The following EYS variants were observed in gnomAD, a reference collection of about 807,000 sequenced individuals.
EYS encodes protein eyes shut homolog.
A neutral mutation model predicts 282.1 loss-of-function variants in EYS; 250 were observed. The ratio of observed to expected loss-of-function variants is 0.89; its 90% CI spans 0.80 to 0.98. EYS has a LOEUF of 0.98. EYS is among the 50% of genes least tolerant of loss of function. The probability of loss-of-function intolerance (pLI) is 0.00; values close to 1 mark genes in which losing one functional copy is unlikely to be tolerated. For missense variants in EYS, 4,016 were observed against 3,709.0 expected (o/e 1.08, Z -2.15); for synonymous variants, 1,355 against 1,282.9 (o/e 1.06, Z -1.20).
At position 64,902,437 on chromosome 6, in the gene EYS, T is replaced by C. The variant is rs1337863354; in HGVS notation, c.2705A>G (p.Tyr902Cys). ...GTTGACCATATCTTCACAGTCACCA[T>C]AATCCTGGCAGGAAAGGAAGAGGCA... The part of the protein sequence containing the change: ...KDCLFLSCQD[Y>C]GDCEDMVNNF... Residue 902 changes from tyrosine to cysteine, a missense_variant, in exon 17 of 43, where the codon TAT becomes TGT. Transcript: ENST00000503581. The C allele has an allele frequency of 6.5e-7, 1 of 1,533,732 alleles. No homozygotes were observed. The highest frequency in any genetic ancestry group is 8.8e-7 in the Non-Finnish European group (1 of 1,142,534).
chr6:64,889,322 A>G (rs1010336348), intron 18 of EYS, among the ~76,000 whole-genome samples: 10 of 151,946 alleles, frequency 6.6e-5, no homozygotes, highest in African/African-American at 2.2e-4. Flanking sequence ...TCTTTTTGTC[A>G]TGATGAAGAT....
chr6:64,500,697 C>T (rs16895338), intron 26 of EYS, among the ~76,000 whole-genome samples: 38,429 of 151,882 alleles, frequency 0.25, 5,472 homozygotes, highest in East Asian at 0.35. Context: ...GTGGAAGATG[C>T]ATAAACATTT....
intron 39 of EYS, among the ~76,000 whole-genome samples, chr6:63,786,784 A>G (rs1333905342): frequency 6.6e-6 from 1 of 152,162 alleles, no homozygotes; most frequent in Non-Finnish European, 1.5e-5. Context: ...ATCCCACTGT[A>G]AAGATTTCAA....
At chr6:65,107,894 A>C (rs958293140) in intron 12 of EYS, among the ~76,000 whole-genome samples, 2 of 152,128 alleles carry the variant, frequency 1.3e-5, no homozygotes, top group Non-Finnish European at 2.9e-5. Flanking sequence ...ATATTTCATG[A>C]GAATATATAT....
At chr6:64,144,594 A>T in intron 31 of EYS, among the ~76,000 whole-genome samples, 1 of 152,116 alleles carries the variant, frequency 6.6e-6, no homozygotes, top group Non-Finnish European at 1.5e-5. Context: ...ACGTTCTCCT[A>T]CATGGTGTGC....
chr6:65,376,225 C>T (rs113630508), intron 8 of EYS, among the ~76,000 whole-genome samples: 3,757 of 152,192 alleles, frequency 0.025, 156 homozygotes, highest in African/African-American at 0.086. Context: ...CAATAGTCAA[C>T]AATCTTAAAG....
In EYS at chr6:65,140,678, A is replaced by G. The variant is rs571006129; in HGVS notation, c.2024-82951T>C. Among the ~76,000 whole-genome samples the G allele has an allele frequency of 7.2e-5, 11 of 152,108 alleles. No homozygotes were observed. In the South Asian group the frequency reaches 8.3e-4, roughly 11 times the overall value. On this transcript the variant is annotated intron_variant, in intron 12 of 42. Transcript: ENST00000503581. ...CAAACAACCCCATCAAAAAGTGGGC[A>G]AAGGATATGAACAGACACATCTCAA... is the stretch of plus-strand genomic sequence containing the variant.
intron 2 of EYS, among the ~76,000 whole-genome samples, chr6:65,547,374 A>G (rs1768429891): frequency 6.6e-6 from 1 of 151,924 alleles, no homozygotes; most frequent in African/African-American, 2.4e-5. Context: ...TCTTAAATGG[A>G]TCTGAGAACA....
At chr6:65,466,810 C>T (rs1427294005) in intron 5 of EYS, among the ~76,000 whole-genome samples, 1 of 152,154 alleles carries the variant, frequency 6.6e-6, no homozygotes, top group Non-Finnish European at 1.5e-5. Context: ...CAAGGAAACT[C>T]CTGAGGTAAA....
At chr6:63,959,365 G>A (rs1019917916) in intron 35 of EYS, among the ~76,000 whole-genome samples, 1 of 152,154 alleles carries the variant, frequency 6.6e-6, no homozygotes, top group Non-Finnish European at 1.5e-5. Flanking sequence ...AGAAACAATA[G>A]ATGCTGGTGA....
intron 12 of EYS, among the ~76,000 whole-genome samples, chr6:65,058,445 C>T (rs557454946): frequency 1.4e-5 from 2 of 138,782 alleles, no homozygotes; most frequent in South Asian, 4.7e-4. Context: ...GCCACTGAGC[C>T]TGGCCCTAAA....
rs1768342928 is a variant in EYS at position 63,720,704 on chromosome 6, A to G, written c.9327T>C (p.Val3109=). ...AAAATACAACATCTTTAATTTTGCC[A>G]ACAAAATTGGTTTTAAAAATCTCTT... The part of the protein sequence containing the change: ...VTQEIFKTNF[V]GKIKDVVFFQ... The change falls in exon 43 of 43, where the codon GTT becomes GTC. Residue 3109 remains valine, a synonymous_variant. Coordinates refer to ENST00000503581, the MANE Select transcript of EYS (RefSeq NM_001142800.2). 6.5e-7 allele frequency: 1 copy of G among 1,548,576 alleles called. No homozygotes were observed. Among genetic ancestry groups the G allele is most frequent in the Non-Finnish European group, 8.7e-7 (1 of 1,145,762 alleles).
intron 22 of EYS, among the ~76,000 whole-genome samples, chr6:64,731,480 G>A (rs1336521279): frequency 2.0e-5 from 3 of 152,078 alleles, no homozygotes; most frequent in East Asian, 1.9e-4. Flanking sequence ...AAAATACAAT[G>A]CTATCAAAAA....
chr6:64,387,828 C>T (rs1772963115), intron 29 of EYS, among the ~76,000 whole-genome samples: 1 of 152,064 alleles, frequency 6.6e-6, no homozygotes, highest in Non-Finnish European at 1.5e-5. Flanking sequence ...ATATGTATCA[C>T]ATCAAATATG....
intron 41 of EYS, among the ~76,000 whole-genome samples, chr6:63,736,567 C>T (rs1009155119): frequency 4.6e-5 from 7 of 152,022 alleles, no homozygotes; most frequent in Non-Finnish European, 5.9e-5. Context: ...CTTGGCGATG[C>T]GGGCTCTTTT....
chr6:64,282,360 G>A (rs540089793), intron 30 of EYS, among the ~76,000 whole-genome samples: 116 of 152,156 alleles, frequency 7.6e-4, no homozygotes, highest in African/African-American at 2.2e-3. Flanking sequence ...AACCTTTTGC[G>A]TATTCTTACA....
At chr6:64,593,917 G>C (rs1362654468) in intron 24 of EYS, among the ~76,000 whole-genome samples, 1 of 152,040 alleles carries the variant, frequency 6.6e-6, no homozygotes, top group African/African-American at 2.4e-5. Flanking sequence ...ATGGACCAGA[G>C]AGATACGTTT....
chr6:64,442,493 C>T (rs548432124), intron 26 of EYS, among the ~76,000 whole-genome samples: 2 of 152,174 alleles, frequency 1.3e-5, no homozygotes, highest in Admixed American at 6.5e-5. Flanking sequence ...AATGTTAATC[C>T]CCCAAGATAA....
At chr6:65,531,057 A>G (rs374659332) in intron 2 of EYS, among the ~76,000 whole-genome samples, 1 of 152,162 alleles carries the variant, frequency 6.6e-6, no homozygotes, top group Non-Finnish European at 1.5e-5. Context: ...TAAATGAATA[A>G]TCTGTGTTTT....
Sources: gnomAD v4.1 joint callset for allele counts (sites outside exome capture counted in the v4.1 genomes callset) on GRCh38, gnomAD v4.1.1 for gene constraint, MANE v1.5 for transcripts, NCBI Gene and HGNC (gene_info 2026-07-23, HGNC 2026-07-21) for gene names.